The following BLM variants were observed in gnomAD, a reference collection of about 807,000 sequenced individuals.
The protein encoded by BLM is BLM RecQ like helicase.
BLM carries 95 observed loss-of-function variants against 135.3 expected under a neutral mutation model. The ratio of observed to expected loss-of-function variants is 0.70; its 90% CI spans 0.59 to 0.83. The LOEUF (loss-of-function observed/expected upper bound fraction) is 0.83. Ranked by LOEUF, BLM falls within the 40% of genes least tolerant of loss-of-function variation. The probability of loss-of-function intolerance (pLI) is 0.00; values close to 1 mark genes in which losing one functional copy is unlikely to be tolerated. For synonymous variants in BLM, 520 were observed against 589.2 expected (o/e 0.88, Z 1.70); for missense variants, 1,518 against 1,663.9 (o/e 0.91, Z 1.53).
intron 1 of BLM, 25 bp from the exon 2 acceptor site, chr15:90,747,364 G>A (rs1298385587): frequency 6.4e-7 from 1 of 1,553,356 alleles, no homozygotes; most frequent in African/African-American, 1.4e-5. Flanking sequence ...TAACTCCACT[G>A]ATTTCTTTTT....
chr15:90,771,590 C>G (rs557084084), intron 12 of BLM, among the ~76,000 whole-genome samples: 49 of 144,708 alleles, frequency 3.4e-4, no homozygotes, highest in African/African-American at 1.2e-3. Context: ...CTACATTGAT[C>G]TATAATTTTT....
At position 90,767,009 on chromosome 15, in the gene BLM, G is replaced by A. The variant is rs191789336; in HGVS notation, c.2293G>A (p.Val765Ile). ...AGACCCAATCATAAAACTTCTATAT[G>A]TCACTCCAGAAAAGGTTTGTATTTA... The part of the protein sequence containing the change: ...KKDPIIKLLY[V>I]TPEKICASNR... The change falls in exon 10 of 22, where the codon GTC becomes ATC. Residue 765 changes from valine (V) to isoleucine (I), a missense_variant. Physicochemically the swap from Val to Ile is conservative, Grantham distance 29. Transcript: ENST00000355112. 151 of 1,550,928 alleles carry A rather than the reference G, an allele frequency of 9.7e-5. No individual in the cohort carries two copies. In the East Asian group the frequency reaches 2.2e-3, roughly 23 times the overall value.
intron 12 of BLM, among the ~76,000 whole-genome samples, chr15:90,774,944 TG>T (rs111312318): frequency 0.1 from 15,262 of 151,988 alleles, 1,398 homozygotes; most frequent in African/African-American, 0.25. Context: ...CATATAACGA[TG>T]GTAAAATGTT....
intron 16 of BLM, among the ~76,000 whole-genome samples, chr15:90,795,151 T>A (rs1414696893): frequency 6.6e-6 from 1 of 152,208 alleles, no homozygotes; most frequent in Non-Finnish European, 1.5e-5. Context: ...ATTCATAGAC[T>A]GGAGTGGAGA....
At position 90,760,172 on chromosome 15, in the gene BLM, G is replaced by A. The variant is rs760446922; in HGVS notation, c.1113G>A (p.Gln371=). The change falls in exon 6 of 22, where the codon CAG becomes CAA. Residue 371 remains glutamine, a synonymous_variant. Transcript: ENST00000355112. ...CDARQISLQQ[Q]LIHVMEHICK... is the part of the protein sequence containing the mutation. ...CTAGACAGATAAGTTTACAGCAGCA[G>A]CTTATTCATGTGATGGAGCACATCT... 6.2e-7 allele frequency: 1 copy of A among 1,611,300 alleles called. No individual in the cohort carries two copies. Among genetic ancestry groups the A allele is most frequent in the South Asian group, 1.1e-5 (1 of 91,030 alleles).
intron 10 of BLM, 95 bp from the exon 11 acceptor site, chr15:90,769,038 T>TA: frequency 8.8e-7 from 1 of 1,131,676 alleles, no homozygotes; most frequent in Non-Finnish European, 1.4e-6. Flanking sequence ...ATAGAGGTTT[T>TA]AATACAGCTT....
At position 90,749,676 on chromosome 15, in the gene BLM, C is replaced by T. The variant is rs1895614656; in HGVS notation, c.408C>T (p.Leu136=). 6.2e-7 allele frequency: 1 copy of T among 1,614,172 alleles called. No homozygotes were observed. Among genetic ancestry groups the T allele is most frequent in the Non-Finnish European group, 8.5e-7 (1 of 1,180,028 alleles). ...PTVKKSRDTA[L]KKLEFSSSPD... ...TAAAGAAATCCCGGGATACTGCTCTCAAGAAATTAGAATTTAGTTCTTCAC... is the reference window on the plus strand; with the variant it reads ...TAAAGAAATCCCGGGATACTGCTCTTAAGAAATTAGAATTTAGTTCTTCAC... The change falls in exon 3 of 22, where the codon CTC becomes CTT. Residue 136 remains leucine, a synonymous_variant. Coordinates refer to ENST00000355112, the MANE Select transcript of BLM (RefSeq NM_000057.4).
intron 1 of BLM, among the ~76,000 whole-genome samples, chr15:90,729,046 A>C (rs981901417): frequency 6.6e-6 from 1 of 152,054 alleles, no homozygotes; most frequent in African/African-American, 2.4e-5. Flanking sequence ...ACGGTAGCTC[A>C]CACCTGTAAT....
At chr15:90,771,444 G>A (rs1186458138) in intron 12 of BLM, among the ~76,000 whole-genome samples, 1 of 151,900 alleles carries the variant, frequency 6.6e-6, no homozygotes, top group Non-Finnish European at 1.5e-5. Context: ...CCAAGATCAC[G>A]CCACTGTACT....
chr15:90,804,533 G>A (rs905808232), intron 19 of BLM, among the ~76,000 whole-genome samples, 174 bp downstream of exon 19: 5 of 151,922 alleles, frequency 3.3e-5, no homozygotes, highest in African/African-American at 1.2e-4. Context: ...GCATGATCAT[G>A]ACTCACTGCA....
chr15:90,782,919 C>T lies in BLM; in HGVS notation c.2653C>T (p.His885Tyr), dbSNP rs2151178164. 1 of 1,610,012 alleles carries T rather than the reference C, an allele frequency of 6.2e-7. No individual in the cohort carries two copies. The highest frequency in any genetic ancestry group is 8.5e-7 in the Non-Finnish European group (1 of 1,176,272). Reference protein sequence around the residue: ...AFDCLEWIRKHHPYDSGIIYC... With the variant: ...AFDCLEWIRKYHPYDSGIIYC... ...TGATTGCCTAGAATGGATCAGAAAG[C>T]ACCACCCATGTGAGTACAGCCATGT... Residue 885 changes from histidine (H) to tyrosine (Y), a missense_variant, in exon 13 of 22, where the codon CAC becomes TAC. His to Tyr is a moderately conservative substitution (Grantham distance 83). Transcript: ENST00000355112.
chr15:90,727,633 T>C (rs1894953071), intron 1 of BLM, among the ~76,000 whole-genome samples: 1 of 152,162 alleles, frequency 6.6e-6, no homozygotes, highest in Non-Finnish European at 1.5e-5. Flanking sequence ...AACCAGCTTC[T>C]TTTGGGCAGA....
intron 14 of BLM, 141 bp downstream of exon 14, chr15:90,785,222 C>T: frequency 2.0e-6 from 2 of 983,234 alleles, no homozygotes; most frequent in South Asian, 3.1e-5. Flanking sequence ...AACAGATTTT[C>T]TTTGAGACTT....
chr15:90,739,383 A>G (rs1895304455), intron 1 of BLM, among the ~76,000 whole-genome samples: 1 of 152,176 alleles, frequency 6.6e-6, no homozygotes, highest in Non-Finnish European at 1.5e-5. Flanking sequence ...CCTGGGCAAC[A>G]GAGCAAGACT....
chr15:90,800,411 G>A (rs900059280), intron 17 of BLM, among the ~76,000 whole-genome samples: 11 of 152,152 alleles, frequency 7.2e-5, no homozygotes, highest in East Asian at 1.9e-4. Context: ...GGCTGGGCAC[G>A]GTGGCTCACG....
At chr15:90,786,492 T>C (rs1337213865) in intron 14 of BLM, among the ~76,000 whole-genome samples, 1 of 152,244 alleles carries the variant, frequency 6.6e-6, no homozygotes, top group Non-Finnish European at 1.5e-5. Context: ...TCACCAGCAA[T>C]GTATGAGGTG....
intron 2 of BLM, 146 bp downstream of exon 2, chr15:90,747,636 G>T (rs1895540273): frequency 1.5e-6 from 1 of 664,634 alleles, no homozygotes; most frequent in East Asian, 2.8e-5. Flanking sequence ...GCCAATTAAT[G>T]GTAGAGTATG....
intron 14 of BLM, 177 bp from the exon 15 acceptor site, chr15:90,790,472 A>C (rs1273092776): frequency 1.6e-6 from 1 of 630,942 alleles, no homozygotes; most frequent in African/African-American, 1.9e-5. Context: ...GCAAGTTATC[A>C]GTATAAAAAC....
chr15:90,785,943 C>T (rs1269590638), intron 14 of BLM, among the ~76,000 whole-genome samples: 1 of 150,492 alleles, frequency 6.6e-6, no homozygotes, highest in Non-Finnish European at 1.5e-5. Flanking sequence ...GGATATAACA[C>T]AGTTTGTTTA....
Sources: gnomAD v4.1 joint callset for allele counts (sites outside exome capture counted in the v4.1 genomes callset) on GRCh38, gnomAD v4.1.1 for gene constraint, MANE v1.5 for transcripts, NCBI Gene and HGNC (gene_info 2026-07-23, HGNC 2026-07-21) for gene names.